Variants in SCAMP1 observed in about 807,000 individuals in gnomAD.
The protein encoded by SCAMP1 is secretory carrier-associated membrane protein 1.
A neutral mutation model predicts 41.8 loss-of-function variants in SCAMP1; 15 were observed. The observed-to-expected ratio is 0.36, with a 90% confidence interval of 0.24 to 0.55. The LOEUF (loss-of-function observed/expected upper bound fraction) is 0.55. Among genes scored for constraint, SCAMP1 ranks in the 20% least tolerant of loss-of-function variants. The pLI is 0.86. For synonymous variants in SCAMP1, 135 were observed against 136.8 expected, an observed-to-expected ratio of 0.99 and a Z score of 0.09; for missense variants, 341 against 412.6, an observed-to-expected ratio of 0.83 and a Z score of 1.50.
intron 6 of SCAMP1, among the ~76,000 whole-genome samples, chr5:78,437,736 G>C (rs992502662): frequency 6.6e-6 from 1 of 152,216 alleles, no homozygotes; most frequent in Non-Finnish European, 1.5e-5. Context: ...CATAAAATGA[G>C]TTAGGGAGGA....
intron 8 of SCAMP1, among the ~76,000 whole-genome samples, chr5:78,461,594 C>G (rs1252781786): frequency 6.6e-6 from 1 of 152,180 alleles, no homozygotes; most frequent in Non-Finnish European, 1.5e-5. Context: ...CAGAATCTTG[C>G]TCTGACGCCC....
At chr5:78,428,363 A>G (rs1752517992) in intron 6 of SCAMP1, among the ~76,000 whole-genome samples, 1 of 152,128 alleles carries the variant, frequency 6.6e-6, no homozygotes, top group Non-Finnish European at 1.5e-5. Flanking sequence ...ACTTGTCCAT[A>G]TATGGAGAGG....
chr5:78,471,447 A>G (rs1488942150), intron 8 of SCAMP1, among the ~76,000 whole-genome samples: 1 of 152,164 alleles, frequency 6.6e-6, no homozygotes, highest in Non-Finnish European at 1.5e-5. Flanking sequence ...TAAAAACTCA[A>G]AACAAGAATT....
intron 1 of SCAMP1, among the ~76,000 whole-genome samples, chr5:78,383,083 C>CT (rs928676035): frequency 6.6e-6 from 1 of 152,020 alleles, no homozygotes; most frequent in South Asian, 2.1e-4. Context: ...AAAGTGTTCC[C>CT]TTTTTACCAC....
At chr5:78,409,826 G>A (rs1204309348) in intron 2 of SCAMP1, among the ~76,000 whole-genome samples, 1 of 152,008 alleles carries the variant, frequency 6.6e-6, no homozygotes, top group Non-Finnish European at 1.5e-5. Context: ...AAGTAATACA[G>A]CATTTATAGC....
chr5:78,438,049 TCGGTGGTG>T (rs1752807983), intron 6 of SCAMP1, among the ~76,000 whole-genome samples: 1 of 152,224 alleles, frequency 6.6e-6, no homozygotes, highest in Non-Finnish European at 1.5e-5. Context: ...GTCTGTAGGA[TCGGTGGTG>T]ATACCCCTTT....
intron 1 of SCAMP1, among the ~76,000 whole-genome samples, chr5:78,377,222 T>C (rs1751087536): frequency 6.6e-6 from 1 of 152,194 alleles, no homozygotes; most frequent in African/African-American, 2.4e-5. Flanking sequence ...GGCTCTGTTT[T>C]TGCTTTGGTG....
chr5:78,420,191 G>A (rs945077138), intron 5 of SCAMP1, among the ~76,000 whole-genome samples: 15 of 152,102 alleles, frequency 9.9e-5, no homozygotes, highest in Non-Finnish European at 1.9e-4. Context: ...GAGTAGCTGG[G>A]ACTACAGGCA....
intron 7 of SCAMP1, among the ~76,000 whole-genome samples, chr5:78,455,358 C>A (rs1286451398): frequency 1.6e-5 from 2 of 125,198 alleles, no homozygotes; most frequent in Non-Finnish European, 3.3e-5. Context: ...GCTTTGAATG[C>A]ATCCCAGAGA....
At chr5:78,385,894 T>C (rs1410145558) in intron 1 of SCAMP1, among the ~76,000 whole-genome samples, 1 of 152,176 alleles carries the variant, frequency 6.6e-6, no homozygotes, top group African/African-American at 2.4e-5. Context: ...ATGTTCCATG[T>C]GCTGATGAAG....
intron 6 of SCAMP1, among the ~76,000 whole-genome samples, chr5:78,427,874 T>A (rs1023236300): frequency 5.3e-5 from 8 of 152,180 alleles, no homozygotes; most frequent in African/African-American, 1.4e-4. Context: ...TTTTAAAAAT[T>A]CTGTTGTTGA....
At chr5:78,440,233 GC>G (rs1448940805) in intron 6 of SCAMP1, among the ~76,000 whole-genome samples, 1 of 152,164 alleles carries the variant, frequency 6.6e-6, no homozygotes, top group East Asian at 1.9e-4. Context: ...TCTCCGTTCA[GC>G]TTTGTTCCCT....
chr5:78,434,416 T>C (rs756113282), intron 6 of SCAMP1, among the ~76,000 whole-genome samples: 1 of 152,190 alleles, frequency 6.6e-6, no homozygotes, highest in Non-Finnish European at 1.5e-5. Context: ...TCTTTTCCAC[T>C]TTTCTACGTC....
chr5:78,410,306 A>G (rs1168033214), intron 2 of SCAMP1, among the ~76,000 whole-genome samples: 1 of 148,644 alleles, frequency 6.7e-6, no homozygotes, highest in Non-Finnish European at 1.5e-5. Context: ...CCCCATCCCC[A>G]TCTCCCGACA....
chr5:78,445,541 G>T (rs1254046893), intron 6 of SCAMP1, among the ~76,000 whole-genome samples: 3 of 152,070 alleles, frequency 2.0e-5, no homozygotes, highest in African/African-American at 7.2e-5. Context: ...AAATGGCTAT[G>T]TTCAAGCTGA....
At chr5:78,420,311 G>A (rs958856723) in intron 5 of SCAMP1, among the ~76,000 whole-genome samples, 1 of 152,138 alleles carries the variant, frequency 6.6e-6, no homozygotes, top group Non-Finnish European at 1.5e-5. Flanking sequence ...CAGTGGATTA[G>A]GAAATAACCT....
chr5:78,467,010 C>T (rs1244209503), intron 8 of SCAMP1, among the ~76,000 whole-genome samples: 4 of 152,044 alleles, frequency 2.6e-5, no homozygotes, highest in African/African-American at 9.7e-5. Context: ...GAAGAGAGTA[C>T]AAGAAAAATG....
rs1027415273 is a variant in SCAMP1 at position 78,478,473 on chromosome 5, A to G, written c.*2805A>G. The G allele has an allele frequency of 5.2e-5, 8 of 152,480 alleles. No homozygotes were observed. The highest frequency in any genetic ancestry group is 5.2e-4 in the Admixed American group (8 of 15,284). The allele number at this position is 152,480 out of a possible 1,614,324, so 9.4% of individuals were successfully genotyped here. Reference sequence around the variant, plus strand: ...TGTAAAATGACCATTTTTCTGTTGCATTAGACCTTTACAGGTAATGGAACA... The same window carrying G: ...TGTAAAATGACCATTTTTCTGTTGCGTTAGACCTTTACAGGTAATGGAACA... On this transcript the variant is annotated 3_prime_UTR_variant, in exon 9 of 9. Coordinates refer to ENST00000621999, the MANE Select transcript of SCAMP1 (RefSeq NM_004866.6).
At chr5:78,443,718 AGC>A (rs1752986444) in intron 6 of SCAMP1, among the ~76,000 whole-genome samples, 1 of 133,730 alleles carries the variant, frequency 7.5e-6, no homozygotes. Flanking sequence ...GGAATACAGT[AGC>A]ACAACCATTG....
Sources: gnomAD v4.1 joint callset for allele counts (sites outside exome capture counted in the v4.1 genomes callset) on GRCh38, gnomAD v4.1.1 for gene constraint, MANE v1.5 for transcripts, NCBI Gene and HGNC (gene_info 2026-07-23, HGNC 2026-07-21) for gene names.